Variants in SAXO2 observed in about 807,000 individuals in gnomAD.
The protein encoded by SAXO2 is stabilizer of axonemal microtubules 2.
Under a neutral mutation model 18.7 loss-of-function variants are expected in SAXO2, and 17 were observed. That is an observed-to-expected ratio of 0.91 (90% CI 0.62 to 1.36). SAXO2 has a LOEUF of 1.36. SAXO2 is among the 40% of genes most tolerant of loss of function. The pLI, the probability that SAXO2 is intolerant of heterozygous loss-of-function variation, is 0.00. For missense variants in SAXO2, 486 were observed against 562.6 expected, an observed-to-expected ratio of 0.86 and a Z score of 1.38; for synonymous variants, 163 against 181.2, an observed-to-expected ratio of 0.90 and a Z score of 0.81.
chr15:82,275,281 C>CAAAAA (rs756023248), intron 3 of SAXO2, among the ~76,000 whole-genome samples: 5,659 of 45,802 alleles, frequency 0.12, 815 homozygotes, highest in Non-Finnish European at 0.17. Flanking sequence ...ACCTATCAAC[C>CAAAAA]AAAAAAAAAA....
intron 3 of SAXO2, among the ~76,000 whole-genome samples, chr15:82,277,553 C>G (rs1308701099): frequency 6.6e-6 from 1 of 152,150 alleles, no homozygotes; most frequent in Non-Finnish European, 1.5e-5. Context: ...TATTCAGATT[C>G]TGTGTAGGAT....
chr15:82,273,565 CACAT>C (rs1300365726), intron 3 of SAXO2, among the ~76,000 whole-genome samples: 1 of 150,032 alleles, frequency 6.7e-6, no homozygotes, highest in Non-Finnish European at 1.5e-5. Flanking sequence ...AATCTTTGAG[CACAT>C]AACATACTAC....
chr15:82,263,622 A>G (rs2075166878), intron 1 of SAXO2, among the ~76,000 whole-genome samples: 1 of 152,238 alleles, frequency 6.6e-6, no homozygotes, highest in Admixed American at 6.5e-5. Context: ...CATTCAAAGA[A>G]AACACCTACA....
intron 1 of SAXO2, among the ~76,000 whole-genome samples, chr15:82,263,692 T>C (rs1189338261): frequency 6.6e-6 from 1 of 152,252 alleles, no homozygotes; most frequent in Non-Finnish European, 1.5e-5. Flanking sequence ...TAATTATATA[T>C]AGATTAAAAT....
intron 3 of SAXO2, chr15:82,272,121 G>A (rs1415971424): frequency 1.2e-5 from 3 of 255,276 alleles, no homozygotes; most frequent in African/African-American, 4.5e-5. Flanking sequence ...ACATTTAGTT[G>A]GCATTGTTCT....
Position 82,283,059 on chromosome 15 carries a change from C to T in SAXO2, c.1374C>T (p.Phe458=). Residue 458 remains phenylalanine (F), a synonymous_variant, in exon 4 of 4, where the codon TTC becomes TTT. Coordinates refer to ENST00000682753, the MANE Select transcript of SAXO2 (RefSeq NM_001348699.2). Reference sequence around the variant, plus strand: ...AGATTATTCCTGCAGTGAAGGCCTTCTAATAACCAAAATGTGCTTAAAAGG... The same window carrying T: ...AGATTATTCCTGCAGTGAAGGCCTTTTAATAACCAAAATGTGCTTAAAAGG... ...FRKIIPAVKA[F] 6.3e-7 allele frequency: 1 copy of T among 1,598,432 alleles called. No individual in the cohort carries two copies. Among genetic ancestry groups the T allele is most frequent in the South Asian group, 1.1e-5 (1 of 87,504 alleles).
At chr15:82,264,557 A>C in intron 1 of SAXO2, 1 of 664,948 alleles carries the variant, frequency 1.5e-6, no homozygotes, top group Non-Finnish European at 2.7e-6. Context: ...GGATAACGTA[A>C]TCTCCTCTGG....
At position 82,284,143 on chromosome 15, in the gene SAXO2, T is replaced by A. The variant is rs1328064892; in HGVS notation, c.*1081T>A. The stretch of plus-strand genomic sequence containing the variant: ...TCCTTAAAGTACAAATGTGGAGGAT[T>A]TTTTTTTAAAATTGCTCAATCTCTT... On this transcript the variant is annotated 3_prime_UTR_variant, in exon 4 of 4. Transcript: ENST00000682753. 6.7e-6 allele frequency: 1 copy of A among 149,150 alleles called. No individual in the cohort carries two copies. The highest frequency in any genetic ancestry group is 2.6e-5 in the African/African-American group (1 of 38,618). The allele number at this position is 149,150 out of a possible 1,614,324, so 9.2% of individuals were successfully genotyped here. A position where few individuals can be genotyped will look rare whatever the true frequency, so the allele number is the denominator to read the frequency against.
At chr15:82,278,718 T>A (rs1329686163) in intron 3 of SAXO2, among the ~76,000 whole-genome samples, 1 of 152,138 alleles carries the variant, frequency 6.6e-6, no homozygotes, top group Non-Finnish European at 1.5e-5. Flanking sequence ...TTTTTGATCA[T>A]AACAGAATTA....
intron 1 of SAXO2, among the ~76,000 whole-genome samples, chr15:82,263,682 T>C (rs537886765): frequency 6.6e-6 from 1 of 152,370 alleles, no homozygotes; most frequent in East Asian, 1.9e-4. Context: ...ACACAGTTCA[T>C]AATTATATAT....
In SAXO2 at chr15:82,283,340, C is replaced by A; in HGVS notation, c.*278C>A. On this transcript the variant is annotated 3_prime_UTR_variant, in exon 4 of 4. Coordinates refer to ENST00000682753, the MANE Select transcript of SAXO2 (RefSeq NM_001348699.2). ...TTCAACATACTGCTTAGTAGCTTGT[C>A]CCCAGTCTATTATCATTTGTAATTC... 4.8e-6 allele frequency: 1 copy of A among 208,690 alleles called. No individual in the cohort carries two copies. Among genetic ancestry groups the A allele is most frequent in the Non-Finnish European group, 9.3e-6 (1 of 106,998 alleles). The allele number at this position is 208,690 out of a possible 1,614,324, so 12.9% of individuals were successfully genotyped here. A position where few individuals can be genotyped will look rare whatever the true frequency, so the allele number is the denominator to read the frequency against.
rs949940340 is a variant in SAXO2, at chr15:82,284,062, A to G, written c.*1000A>G. The stretch of plus-strand genomic sequence containing the variant: ...CCTCAGTGTCTTTATTTGTAAAATG[A>G]TGTCTGTTCTCAAAAAGAGTTTGTT... On this transcript the variant is annotated 3_prime_UTR_variant, in exon 4 of 4. Coordinates refer to ENST00000682753, the MANE Select transcript of SAXO2 (RefSeq NM_001348699.2). 1 of 152,220 alleles carries G rather than the reference A, an allele frequency of 6.6e-6. No homozygotes were observed. Among genetic ancestry groups the G allele is most frequent in the African/African-American group, 2.4e-5 (1 of 41,452 alleles). The allele number at this position is 152,220 out of a possible 1,614,324, so 9.4% of individuals were successfully genotyped here.
chr15:82,274,577 C>G (rs1429548259), intron 3 of SAXO2, among the ~76,000 whole-genome samples: 1 of 151,714 alleles, frequency 6.6e-6, no homozygotes, highest in Non-Finnish European at 1.5e-5. Context: ...ATGATGGGTG[C>G]CTGTAATCCC....
chr15:82,282,971 A>C lies in SAXO2; in HGVS notation c.1286A>C (p.Tyr429Ser), dbSNP rs145117610. ...AGACAGGAAATTTGCCCAGCCAGCT[A>C]TCCCTCTCCTCCAGGTTATATTTTC... Reference protein sequence around the residue: ...PKRQEICPASYPSPPGYIFDN... With the variant: ...PKRQEICPASSPSPPGYIFDN... The change falls in exon 4 of 4, where the codon TAT becomes TCT. Residue 429 changes from tyrosine (Y) to serine (S), a missense_variant. By Grantham distance (144) the Tyr-to-Ser change is moderately radical (BLOSUM62 -2). Coordinates refer to ENST00000682753, the MANE Select transcript of SAXO2 (RefSeq NM_001348699.2). 6.5e-4 allele frequency: 1,057 copies of C among 1,614,166 alleles called. 11 individuals are homozygous for C. In the African/African-American group the frequency reaches 0.01, roughly 16 times the overall value.
Position 82,282,734 on chromosome 15 carries a change from C to T in SAXO2, c.1049C>T (p.Pro350Leu), listed in dbSNP as rs868855159. 6.2e-7 allele frequency: 1 copy of T among 1,614,106 alleles called. No individual in the cohort carries two copies. Residue 350 changes from proline to leucine, a missense_variant, in exon 4 of 4, where the codon CCA (proline) becomes CTA (leucine). Coordinates refer to ENST00000682753, the MANE Select transcript of SAXO2 (RefSeq NM_001348699.2). ...QGKSIMKEDF[P>L]AWESCRQGLI... The stretch of plus-strand genomic sequence containing the variant: ...AAAAGCATCATGAAAGAAGATTTTC[C>T]AGCATGGGAAAGTTGTCGTCAAGGA...
chr15:82,266,576 G>C (rs2075220525), intron 2 of SAXO2, among the ~76,000 whole-genome samples: 1 of 152,120 alleles, frequency 6.6e-6, no homozygotes, highest in East Asian at 1.9e-4. Context: ...GAAAGTGCCA[G>C]GTTTCCCTTG....
In SAXO2 at chr15:82,282,908, A is replaced by G. The variant is rs2075379403; in HGVS notation, c.1223A>G (p.Asp408Gly). Residue 408 changes from aspartate to glycine, a missense_variant, in exon 4 of 4, where the codon GAT (aspartate) becomes GGT (glycine). By Grantham distance (94) the Asp-to-Gly change is moderately conservative. Transcript: ENST00000682753. ...GCTTTTAAGAGTTCTGTTCCATTTG[A>G]TGATGTAACCATGTACTCTGTAGAG... ...NIAFKSSVPF[D>G]DVTMYSVEYT... 6.2e-7 allele frequency: 1 copy of G among 1,614,104 alleles called. No homozygotes were observed. Among genetic ancestry groups the G allele is most frequent in the Non-Finnish European group, 8.5e-7 (1 of 1,180,002 alleles).
chr15:82,276,278 T>A (rs1055447009), intron 3 of SAXO2, among the ~76,000 whole-genome samples: 1 of 152,156 alleles, frequency 6.6e-6, no homozygotes, highest in African/African-American at 2.4e-5. Flanking sequence ...GAAGATTCAA[T>A]ATCATTAAAA....
At position 82,284,913 on chromosome 15, in the gene SAXO2, TG is replaced by T. The variant is rs2075397662; in HGVS notation, c.*1853del. On this transcript the variant is annotated 3_prime_UTR_variant, in exon 4 of 4. Coordinates refer to ENST00000682753, the MANE Select transcript of SAXO2 (RefSeq NM_001348699.2). Reference sequence around the variant, plus strand: ...AACATAATAAAATCAATAAAAGGAATGGATTTTCAAGAAATCATTTCTTTAC... The same window carrying T: ...AACATAATAAAATCAATAAAAGGAATGATTTTCAAGAAATCATTTCTTTAC... 1 of 152,236 alleles carries T rather than the reference TG, an allele frequency of 6.6e-6. No individual in the cohort carries two copies. The highest frequency in any genetic ancestry group is 1.5e-5 in the Non-Finnish European group (1 of 68,040). 9.4% of individuals were successfully genotyped at this position (152,236 alleles called of 1,614,324 possible).
Sources: allele counts gnomAD v4.1 joint callset (sites outside exome capture counted in the v4.1 genomes callset), GRCh38; gene constraint gnomAD v4.1.1; transcripts MANE v1.5; gene names NCBI Gene and HGNC (gene_info 2026-07-23, HGNC 2026-07-21).